The following ITGBL1 variants were observed in gnomAD, a reference collection of about 807,000 sequenced individuals.
ITGBL1 encodes integrin beta-like protein 1.
Under a neutral mutation model 68.5 loss-of-function variants are expected in ITGBL1, and 51 were observed. The observed-to-expected ratio is 0.74, with a 90% CI of 0.59 to 0.94. The LOEUF (loss-of-function observed/expected upper bound fraction) is 0.94, where lower values mean the gene tolerates loss of function less well. Among genes scored for constraint, ITGBL1 ranks in the 40% least tolerant of loss-of-function variants. The pLI, the probability that ITGBL1 is intolerant of heterozygous loss-of-function variation, is 0.00. For missense variants in ITGBL1, 649 were observed against 647.4 expected (o/e 1.00, Z -0.03); for synonymous variants, 209 against 227.3 (o/e 0.92, Z 0.72).
At chr13:101,544,172 A>G (rs999631216) in intron 2 of ITGBL1, among the ~76,000 whole-genome samples, 2 of 151,786 alleles carry the variant, frequency 1.3e-5, no homozygotes, top group African/African-American at 4.8e-5. Context: ...TTTTTTCCCC[A>G]TCTTTGTGGT....
intron 7 of ITGBL1, among the ~76,000 whole-genome samples, chr13:101,602,552 G>T (rs148969363): frequency 6.6e-6 from 1 of 151,764 alleles, no homozygotes; most frequent in African/African-American, 2.4e-5. Flanking sequence ...TTTATGTTGC[G>T]TTTTTCTTTT....
intron 2 of ITGBL1, among the ~76,000 whole-genome samples, chr13:101,516,232 G>C (rs1395041556): frequency 6.6e-6 from 1 of 152,060 alleles, no homozygotes; most frequent in Non-Finnish European, 1.5e-5. Flanking sequence ...CTGAAAGCAG[G>C]CTTTCTTTGT....
At chr13:101,475,173 G>A (rs1258966106) in intron 2 of ITGBL1, among the ~76,000 whole-genome samples, 1 of 152,088 alleles carries the variant, frequency 6.6e-6, no homozygotes, top group African/African-American at 2.4e-5. Flanking sequence ...TTTTGGGGAA[G>A]ATCAGTGAAA....
rs1422947214 is a variant in ITGBL1 at position 101,540,963 on chromosome 13, A to G, written c.317-26736A>G. Among the ~76,000 whole-genome samples the G allele has an allele frequency of 1.1e-4, 13 of 114,284 alleles. 1 individual carries two copies. Among genetic ancestry groups the G allele is most frequent in the Admixed American group, 8.6e-4 (9 of 10,488 alleles). The allele number at this position is 114,284 out of a possible 152,430, so 75.0% of individuals were successfully genotyped here. ...CTTAAGGAGATTTTGGGTTGAGACA[A>G]TGGGGTTTTCTAGATATACAATCAC... On this transcript the variant is annotated intron_variant, in intron 2 of 10. Coordinates refer to ENST00000376180, the MANE Select transcript of ITGBL1 (RefSeq NM_004791.3).
At chr13:101,485,210 G>C (rs895374241) in intron 2 of ITGBL1, among the ~76,000 whole-genome samples, 1 of 152,182 alleles carries the variant, frequency 6.6e-6, no homozygotes, top group Non-Finnish European at 1.5e-5. Context: ...AGAAATGCTA[G>C]AGGAAGTTCT....
At chr13:101,643,845 G>T (rs1263841982) in intron 7 of ITGBL1, among the ~76,000 whole-genome samples, 2 of 152,004 alleles carry the variant, frequency 1.3e-5, no homozygotes, top group Non-Finnish European at 2.9e-5. Flanking sequence ...TATAAGTTTT[G>T]TGTTCAGCAG....
In ITGBL1 at chr13:101,575,541, G is replaced by C; in HGVS notation, c.581G>C (p.Cys194Ser). The C allele has an allele frequency of 6.2e-7, 1 of 1,612,028 alleles. No individual in the cohort carries two copies. The highest frequency in any genetic ancestry group is 1.3e-5 in the African/African-American group (1 of 74,932). ...ATAGACGATGAAACAGAAGAAATATGTGGAGGTATGTATATTGGCTCTGTA... is the reference window on the plus strand; with the variant it reads ...ATAGACGATGAAACAGAAGAAATATCTGGAGGTATGTATATTGGCTCTGTA... ...ECIDDETEEI[C>S]GGHGKCYCGN... Residue 194 changes from cysteine (C) to serine (S), a missense_variant, in exon 4 of 11, where the codon TGT becomes TCT. Cys to Ser is a moderately radical substitution (Grantham distance 112). Coordinates refer to ENST00000376180, the MANE Select transcript of ITGBL1 (RefSeq NM_004791.3).
rs973849500 is a variant in ITGBL1, at chr13:101,594,809, C to T, written c.869-3344C>T. ...ATTTTGGGCCAGGCACATGGTGGCT[C>T]ATGCCTGTAATCCCAGCACTTTGGG... On this transcript the variant is annotated intron_variant, in intron 6 of 10. Transcript: ENST00000376180. Among the ~76,000 whole-genome samples, 4 of 152,278 alleles carry T rather than the reference C, an allele frequency of 2.6e-5. No homozygotes were observed. In the East Asian group the frequency reaches 7.7e-4, roughly 29 times the overall value.
chr13:101,706,795 G>C lies in ITGBL1; in HGVS notation c.1172G>C (p.Arg391Thr), dbSNP rs141794253. The C allele has an allele frequency of 5.7e-5, 92 of 1,614,054 alleles. No homozygotes were observed. The highest frequency in any genetic ancestry group is 7.5e-5 in the Non-Finnish European group (89 of 1,180,040). The change falls in exon 9 of 11, where the codon AGA (arginine) becomes ACA (threonine). Residue 391 changes from arginine (R) to threonine (T), a missense_variant. Transcript: ENST00000376180. ...TCSCGRCVCE[R>T]GWFGKLCQHP... ...TCCTGTGGTCGCTGTGTTTGTGAGA[G>C]AGGATGGTTTGGAAAGCTCTGCCAA...
At chr13:101,642,025 G>A (rs1374985795) in intron 7 of ITGBL1, among the ~76,000 whole-genome samples, 3 of 151,994 alleles carry the variant, frequency 2.0e-5, no homozygotes, top group East Asian at 1.9e-4. Flanking sequence ...ATAAACATAC[G>A]TGTGCATGTG....
intron 4 of ITGBL1, among the ~76,000 whole-genome samples, chr13:101,577,632 C>T (rs1485618394): frequency 2.0e-5 from 3 of 152,228 alleles, no homozygotes; most frequent in East Asian, 3.9e-4. Context: ...GTTGCACCTT[C>T]TGTATAAATT....
chr13:101,552,483 C>T (rs885304), intron 2 of ITGBL1, among the ~76,000 whole-genome samples: 42,484 of 152,094 alleles, frequency 0.28, 6,217 homozygotes, highest in East Asian at 0.45. Flanking sequence ...ATGCCAAATG[C>T]AGATGTTTTT....
intron 2 of ITGBL1, among the ~76,000 whole-genome samples, chr13:101,516,350 T>C (rs753295829): frequency 2.0e-5 from 3 of 152,176 alleles, no homozygotes; most frequent in Non-Finnish European, 4.4e-5. Context: ...GAAATGCGGT[T>C]ATAAAACTAT....
intron 2 of ITGBL1, among the ~76,000 whole-genome samples, chr13:101,556,759 G>C (rs1172356657): frequency 1.3e-5 from 2 of 152,124 alleles, no homozygotes; most frequent in African/African-American, 4.8e-5. Flanking sequence ...AAGAAATGTA[G>C]GTCACTGCCA....
At chr13:101,621,211 A>G (rs1195347855) in intron 7 of ITGBL1, among the ~76,000 whole-genome samples, 1 of 152,152 alleles carries the variant, frequency 6.6e-6, no homozygotes. Flanking sequence ...ATAGCTTTGT[A>G]CAAGTGTATG....
rs370626554 is a variant in ITGBL1 at position 101,526,515 on chromosome 13, G to C, written c.317-41184G>C. Among the ~76,000 whole-genome samples the C allele has an allele frequency of 1.2e-4, 19 of 152,132 alleles. 1 individual carries two copies. The East Asian group carries it at 2.5e-3, about 20-fold the overall frequency. On this transcript the variant is annotated intron_variant, in intron 2 of 10. Transcript: ENST00000376180. ...ATAGTATGCAGCCATAAAAAAGGAT[G>C]AGTTCATGTCCTTTTCAGGGACATG...
intron 2 of ITGBL1, among the ~76,000 whole-genome samples, chr13:101,498,484 G>T (rs913712379): frequency 6.6e-6 from 1 of 152,160 alleles, no homozygotes; most frequent in Non-Finnish European, 1.5e-5. Flanking sequence ...AAGACAGATG[G>T]TAAGGGGTGA....
intron 7 of ITGBL1, among the ~76,000 whole-genome samples, chr13:101,671,507 C>T (rs1162244181): frequency 2.3e-5 from 3 of 131,288 alleles, no homozygotes; most frequent in Admixed American, 9.3e-5. Flanking sequence ...GGCGTGATCT[C>T]GGCTCACTGC....
At chr13:101,646,978 CA>C (rs1267278581) in intron 7 of ITGBL1, among the ~76,000 whole-genome samples, 2 of 151,842 alleles carry the variant, frequency 1.3e-5, no homozygotes, top group African/African-American at 4.8e-5. Context: ...TTAAATGGGC[CA>C]AAAATCTAAA....
Sources: gnomAD v4.1 joint callset for allele counts (sites outside exome capture counted in the v4.1 genomes callset) on GRCh38, gnomAD v4.1.1 for gene constraint, MANE v1.5 for transcripts, NCBI Gene and HGNC (gene_info 2026-07-23, HGNC 2026-07-21) for gene names.